The following UNC5D variants were observed in gnomAD, a reference collection of about 807,000 sequenced individuals.
UNC5D encodes unc-5 netrin receptor D, also known as netrin receptor UNC5D.
UNC5D carries 39 observed loss-of-function variants against 105.4 expected under a neutral mutation model. The ratio of observed to expected loss-of-function variants is 0.37; its 90% CI spans 0.29 to 0.48. The LOEUF (loss-of-function observed/expected upper bound fraction) is 0.48, where lower values mean the gene tolerates loss of function less well. UNC5D is among the 20% of genes least tolerant of loss of function. The pLI is 0.98. For synonymous variants in UNC5D, 452 were observed against 450.4 expected, an observed-to-expected ratio of 1.00 and a Z score of -0.04; for missense variants, 991 against 1,202.4, an observed-to-expected ratio of 0.82 and a Z score of 2.60.
At chr8:35,319,942 A>T (rs989076478) in intron 1 of UNC5D, among the ~76,000 whole-genome samples, 1 of 152,122 alleles carries the variant, frequency 6.6e-6, no homozygotes, top group Non-Finnish European at 1.5e-5. Context: ...GCCTCTTGCC[A>T]TGTAGTCTCT....
intron 1 of UNC5D, among the ~76,000 whole-genome samples, chr8:35,286,560 C>T (rs991181982): frequency 6.6e-6 from 1 of 152,198 alleles, no homozygotes; most frequent in African/African-American, 2.4e-5. Flanking sequence ...GAAGCAACTG[C>T]ATGTCAGTGA....
At chr8:35,766,805 G>GTCATCATCA (rs58870994) in intron 14 of UNC5D, 97 bp from the exon 15 acceptor site, 4 of 1,336,288 alleles carry the variant, frequency 3.0e-6, no homozygotes, top group East Asian at 2.4e-5. Flanking sequence ...TGTTGTTGTC[G>GTCATCATCA]TCATCATCAT....
At chr8:35,507,002 G>A (rs902386721) in intron 1 of UNC5D, among the ~76,000 whole-genome samples, 2 of 143,418 alleles carry the variant, frequency 1.4e-5, no homozygotes, top group Admixed American at 6.9e-5. Flanking sequence ...CATTGAAGGT[G>A]TTTTCTTAGA....
intron 2 of UNC5D, among the ~76,000 whole-genome samples, chr8:35,562,805 G>T (rs1817051569): frequency 6.6e-6 from 1 of 151,960 alleles, no homozygotes. Flanking sequence ...AAGCTTTTTA[G>T]CTTGATGTAA....
intron 1 of UNC5D, among the ~76,000 whole-genome samples, chr8:35,506,851 G>C (rs951443259): frequency 6.6e-6 from 1 of 152,138 alleles, no homozygotes; most frequent in Non-Finnish European, 1.5e-5. Context: ...GACAGACGTG[G>C]CTTGGTGGGT....
intron 1 of UNC5D, among the ~76,000 whole-genome samples, chr8:35,286,224 G>A (rs1041925718): frequency 2.0e-5 from 3 of 152,158 alleles, no homozygotes; most frequent in Admixed American, 2.0e-4. Flanking sequence ...ACACCAACAA[G>A]ATGGTGGAAT....
At chr8:35,537,306 G>A (rs1814913939) in intron 1 of UNC5D, among the ~76,000 whole-genome samples, 1 of 152,160 alleles carries the variant, frequency 6.6e-6, no homozygotes, top group Non-Finnish European at 1.5e-5. Context: ...CAGAGATTAT[G>A]TTCAAAGCTG....
chr8:35,433,762 T>C (rs1341553253), intron 1 of UNC5D, among the ~76,000 whole-genome samples: 1 of 151,522 alleles, frequency 6.6e-6, no homozygotes, highest in African/African-American at 2.4e-5. Context: ...GGCAGGAGAA[T>C]TGCTTGAACC....
chr8:35,390,606 T>C (rs1287058009), intron 1 of UNC5D, among the ~76,000 whole-genome samples: 1 of 152,198 alleles, frequency 6.6e-6, no homozygotes, highest in African/African-American at 2.4e-5. Flanking sequence ...ATCTTTGTGT[T>C]AAGTAAACAC....
At chr8:35,255,838 T>A (rs1183454770) in intron 1 of UNC5D, 2 of 152,216 alleles carry the variant, frequency 1.3e-5, no homozygotes, top group Admixed American at 6.5e-5. Flanking sequence ...TTAATTAAGA[T>A]GAGAGCAATC....
At chr8:35,758,706 C>T (rs986710926) in intron 13 of UNC5D, among the ~76,000 whole-genome samples, 7 of 152,186 alleles carry the variant, frequency 4.6e-5, no homozygotes, top group Non-Finnish European at 1.0e-4. Flanking sequence ...AGTGTTTCCT[C>T]AGAAATTTGA....
At position 35,506,568 on chromosome 8, in the gene UNC5D, CAGTT is replaced by C. The variant is rs557947338; in HGVS notation, c.104-42721_104-42718del. ...AGAATTTGAGGACTGAAGATTTAAACAGTTAGCCTGAGGTCACAGAGTTAGGGAA... is the reference window on the plus strand; with the variant it reads ...AGAATTTGAGGACTGAAGATTTAAACAGCCTGAGGTCACAGAGTTAGGGAA... On this transcript the variant is annotated intron_variant, in intron 1 of 16. Coordinates refer to ENST00000404895, the MANE Select transcript of UNC5D (RefSeq NM_080872.4). Among the ~76,000 whole-genome samples, 418 of 152,298 alleles carry C rather than the reference CAGTT, an allele frequency of 2.7e-3. 1 individual carries two copies. Among genetic ancestry groups the C allele is most frequent in the Non-Finnish European group, 4.7e-3 (321 of 68,020 alleles).
intron 1 of UNC5D, among the ~76,000 whole-genome samples, chr8:35,389,514 C>T (rs1397905628): frequency 6.6e-6 from 1 of 152,038 alleles, no homozygotes; most frequent in Non-Finnish European, 1.5e-5. Context: ...TGATGAAAAT[C>T]CTGATGCCCC....
chr8:35,425,520 G>A (rs972030782), intron 1 of UNC5D, among the ~76,000 whole-genome samples: 1 of 152,150 alleles, frequency 6.6e-6, no homozygotes, highest in Admixed American at 6.5e-5. Flanking sequence ...TTAGGATTAT[G>A]GTAAGCCCTG....
intron 1 of UNC5D, among the ~76,000 whole-genome samples, chr8:35,495,327 A>G (rs1282323634): frequency 6.6e-6 from 1 of 151,902 alleles, no homozygotes; most frequent in Non-Finnish European, 1.5e-5. Flanking sequence ...TTTATACCAC[A>G]TAGGAAGAGA....
chr8:35,606,275 C>T (rs2958252), intron 4 of UNC5D, among the ~76,000 whole-genome samples: 13,896 of 152,056 alleles, frequency 0.091, 667 homozygotes, highest in Middle Eastern at 0.11. Context: ...CATGAGCCAC[C>T]GCACCTGACC....
chr8:35,485,363 A>G (rs756631139), intron 1 of UNC5D, among the ~76,000 whole-genome samples: 33 of 152,230 alleles, frequency 2.2e-4, no homozygotes, highest in Non-Finnish European at 3.8e-4. Context: ...TGGCATATAT[A>G]TCCCTTAAAT....
At chr8:35,236,350 C>T (rs1359765424) in intron 1 of UNC5D, among the ~76,000 whole-genome samples, 2 of 127,904 alleles carry the variant, frequency 1.6e-5, no homozygotes, top group South Asian at 2.5e-4. Context: ...TGTCTTTTCC[C>T]TTAGGGGAGG....
At chr8:35,459,953 G>A (rs752616866) in intron 1 of UNC5D, among the ~76,000 whole-genome samples, 13 of 152,124 alleles carry the variant, frequency 8.5e-5, no homozygotes, top group Non-Finnish European at 1.5e-4. Flanking sequence ...TAAACTGGAG[G>A]GGTCTAACCT....
Sources: gnomAD v4.1 joint callset for allele counts (sites outside exome capture counted in the v4.1 genomes callset) on GRCh38, gnomAD v4.1.1 for gene constraint, MANE v1.5 for transcripts, NCBI Gene and HGNC (gene_info 2026-07-23, HGNC 2026-07-21) for gene names.